Variants in MIDN observed in about 807,000 individuals in gnomAD.
MIDN encodes midnolin.
MIDN carries 26 observed loss-of-function variants against 46.1 expected under a neutral mutation model. The ratio of observed to expected loss-of-function variants is 0.56; its 90% CI spans 0.41 to 0.78. The LOEUF is 0.78. Ranked by LOEUF, MIDN falls within the 30% of genes least tolerant of loss-of-function variation. The pLI, the probability that MIDN is intolerant of heterozygous loss-of-function variation, is 0.00. For synonymous variants in MIDN, 432 were observed against 343.3 expected, an observed-to-expected ratio of 1.26 and a Z score of -2.86; for missense variants, 850 against 771.8, an observed-to-expected ratio of 1.10 and a Z score of -1.20.
chr19:1,258,527 T>G lies in MIDN; in HGVS notation c.*1255T>G, dbSNP rs976433143. ...TTTTTTCCCCACTCACTTTTTATTTTTTAATGATAATGGAGATGTCTGGAC... is the reference window on the plus strand; with the variant it reads ...TTTTTTCCCCACTCACTTTTTATTTGTTAATGATAATGGAGATGTCTGGAC... On this transcript the variant is annotated 3_prime_UTR_variant, in exon 9 of 9. Transcript: ENST00000682408. 6.6e-6 allele frequency: 1 copy of G among 152,464 alleles called. No individual in the cohort carries two copies. Among genetic ancestry groups the G allele is most frequent in the African/African-American group, 2.4e-5 (1 of 41,438 alleles). The allele number at this position is 152,464 out of a possible 1,614,324, so 9.4% of individuals were successfully genotyped here.
In MIDN at chr19:1,248,648, C is replaced by G. The variant is rs992864527; in HGVS notation, c.-420C>G. 6.6e-6 allele frequency: 1 copy of G among 152,490 alleles called. No individual in the cohort carries two copies. The highest frequency in any genetic ancestry group is 2.4e-5 in the African/African-American group (1 of 41,470). 9.4% of individuals were successfully genotyped at this position (152,490 alleles called of 1,614,324 possible). A position where few individuals can be genotyped will look rare whatever the true frequency, so the allele number is the denominator to read the frequency against. Reference sequence around the variant, plus strand: ...TACTCGCAGCACTTGGAGCGCAGAACCGGCCGCGCCCGGTGAGTGTGGAGG... The same window carrying G: ...TACTCGCAGCACTTGGAGCGCAGAAGCGGCCGCGCCCGGTGAGTGTGGAGG... On this transcript the variant is annotated 5_prime_UTR_variant, in exon 1 of 9. Transcript: ENST00000682408.
At chr19:1,250,917 C>A (rs572781992) in intron 2 of MIDN, among the ~76,000 whole-genome samples, 1 of 151,730 alleles carries the variant, frequency 6.6e-6, no homozygotes. Flanking sequence ...GCGTCTCTCT[C>A]CCCCCCTTTG....
chr19:1,250,617 G>A, intron 2 of MIDN, 88 bp downstream of exon 2: 2 of 711,822 alleles, frequency 2.8e-6, no homozygotes, highest in Non-Finnish European at 1.8e-6. Context: ...GGAAGGCAGG[G>A]GGCGGCCAGA....
At chr19:1,250,916 TC>T (rs1019039898) in intron 2 of MIDN, among the ~76,000 whole-genome samples, 2 of 149,022 alleles carry the variant, frequency 1.3e-5, no homozygotes, top group Non-Finnish European at 3.0e-5. Context: ...TGCGTCTCTC[TC>T]CCCCCCTTTG....
chr19:1,254,050 C>G lies in MIDN; in HGVS notation c.481C>G (p.Gln161Glu), dbSNP rs1364775330. Residue 161 changes from glutamine to glutamate, a missense_variant, in exon 5 of 9, where the codon CAG becomes GAG. Transcript: ENST00000682408. ...FKRPWHRQGP[Q>E]SPERGGERPQ... ...GCGTCCGTGGCACCGACAGGGACCC[C>G]AGAGCCCAGAGAGGGGCGGCGAGAG... 6.9e-7 allele frequency: 1 copy of G among 1,450,266 alleles called. No homozygotes were observed. Among genetic ancestry groups the G allele is most frequent in the Admixed American group, 2.9e-5 (1 of 34,264 alleles). 89.8% of individuals were successfully genotyped at this position (1,450,266 alleles called of 1,614,324 possible). A position where few individuals can be genotyped will look rare whatever the true frequency, so the allele number is the denominator to read the frequency against.
At chr19:1,250,944 C>T (rs927723577) in intron 2 of MIDN, among the ~76,000 whole-genome samples, 2 of 152,006 alleles carry the variant, frequency 1.3e-5, no homozygotes, top group African/African-American at 2.4e-5. Flanking sequence ...CCTCCGAGCG[C>T]TCCCCGCAGC....
chr19:1,253,542 G>T, intron 4 of MIDN: 1 of 154,680 alleles, frequency 6.5e-6, no homozygotes, highest in Non-Finnish European at 1.4e-5. Context: ...GCAGATTGAG[G>T]GTTTCTGTGC....
rs557498589 is a variant in MIDN, at chr19:1,252,044, G to C, written c.384+143G>C. 76 of 683,214 alleles carry C rather than the reference G, an allele frequency of 1.1e-4. No individual in the cohort carries two copies. The African/African-American group carries it at 1.3e-3, about 12-fold the overall frequency. 42.3% of individuals were successfully genotyped at this position (683,214 alleles called of 1,614,324 possible). A position where few individuals can be genotyped will look rare whatever the true frequency, so the allele number is the denominator to read the frequency against. ...GCCACCCCGCCTGGGTGCCAGCCTG[G>C]CCTGGCCTCCCCACCTCCTCTCCCC... On this transcript the variant is annotated intron_variant, in intron 4 of 8. Transcript: ENST00000682408.
intron 4 of MIDN, among the ~76,000 whole-genome samples, chr19:1,253,359 G>A (rs1380219619): frequency 3.3e-5 from 5 of 152,104 alleles, no homozygotes; most frequent in Non-Finnish European, 7.4e-5. Flanking sequence ...CCGGGAGGGA[G>A]AGCTGGGAGG....
At chr19:1,256,844 G>C (rs954492587) in intron 8 of MIDN, 151 bp from the exon 9 acceptor site, 18 of 1,162,642 alleles carry the variant, frequency 1.5e-5, no homozygotes, top group Non-Finnish European at 2.2e-5. Flanking sequence ...GCCCGGCATG[G>C]TGGATGTCCT....
At chr19:1,251,050 C>T (rs918978125) in intron 2 of MIDN, among the ~76,000 whole-genome samples, 2 of 151,972 alleles carry the variant, frequency 1.3e-5, no homozygotes, top group African/African-American at 4.8e-5. Context: ...GTGGAGGGGC[C>T]CATCGGGGGA....
At chr19:1,256,666 A>G (rs1275469409) in intron 8 of MIDN, among the ~76,000 whole-genome samples, 1 of 151,844 alleles carries the variant, frequency 6.6e-6, no homozygotes, top group African/African-American at 2.4e-5. Flanking sequence ...GGCAAACACC[A>G]CCATGCCCAG....
chr19:1,256,163 G>A (rs764226629), intron 8 of MIDN, among the ~76,000 whole-genome samples: 6 of 152,366 alleles, frequency 3.9e-5, no homozygotes, highest in South Asian at 4.1e-4. Context: ...TGCACCCGTC[G>A]CGGGGGCTCC....
At position 1,251,562 on chromosome 19, in the gene MIDN, C is replaced by G; in HGVS notation, c.234C>G (p.Thr78=). The G allele has an allele frequency of 6.2e-7, 1 of 1,607,366 alleles. No homozygotes were observed. The highest frequency in any genetic ancestry group is 8.5e-7 in the Non-Finnish European group (1 of 1,177,834). Residue 78 remains threonine, a splice_region_variant and synonymous_variant, in exon 3 of 9, where the codon ACC becomes ACG. Transcript: ENST00000682408. The part of the protein sequence containing the change: ...KERLALLHKD[T]RLSSGKLQEF... ...TCATGCTCTTCCTTCCTCCCCCCAG[C>G]CGGCTCAGTTCGGGGAAGCTGCAGG...
At chr19:1,249,394 CT>C (rs925884417) in intron 1 of MIDN, among the ~76,000 whole-genome samples, 2 of 150,422 alleles carry the variant, frequency 1.3e-5, no homozygotes, top group Admixed American at 1.3e-4. Context: ...CCGCTCGCGG[CT>C]TTTCCCGGAC....
chr19:1,249,597 G>C (rs2081096961), intron 1 of MIDN, among the ~76,000 whole-genome samples: 1 of 149,506 alleles, frequency 6.7e-6, no homozygotes, highest in Admixed American at 6.6e-5. Context: ...GAATGGCTGC[G>C]GGCGCGGGCG....
Position 1,250,350 on chromosome 19 carries a change from CGCCTGCGAGCTGGGCCCGGCGGCCGAG to C in MIDN, c.57_83del (p.Cys20_Ala28del), listed in dbSNP as rs771647815. ...GCTGCCGGCGCGGGGCCCCCGGCGG[CGCCTGCGAGCTGGGCCCGGCGGCCGAG>C]GCGGCGCCCATGAGCCTCGCCATCC... On this transcript the variant is annotated inframe_deletion, in exon 2 of 9. Coordinates refer to ENST00000682408, the MANE Select transcript of MIDN (RefSeq NM_001388306.1). 3.7e-5 allele frequency: 40 copies of C among 1,066,808 alleles called. No individual in the cohort carries two copies. Among genetic ancestry groups the C allele is most frequent in the Non-Finnish European group, 3.7e-5 (33 of 881,780 alleles). 66.1% of individuals were successfully genotyped at this position (1,066,808 alleles called of 1,614,324 possible).
chr19:1,254,046 A>G lies in MIDN; in HGVS notation c.477A>G (p.Gly159=). 1 of 1,441,108 alleles carries G rather than the reference A, an allele frequency of 6.9e-7. No individual in the cohort carries two copies. The highest frequency in any genetic ancestry group is 9.0e-7 in the Non-Finnish European group (1 of 1,104,992). The allele number at this position is 1,441,108 out of a possible 1,614,324, so 89.3% of individuals were successfully genotyped here. A position where few individuals can be genotyped will look rare whatever the true frequency, so the allele number is the denominator to read the frequency against. Residue 159 remains glycine, a synonymous_variant, in exon 5 of 9, where the codon GGA becomes GGG. Transcript: ENST00000682408. The part of the protein sequence containing the change: ...ILFKRPWHRQ[G]PQSPERGGER... ...TTAAGCGTCCGTGGCACCGACAGGG[A>G]CCCCAGAGCCCAGAGAGGGGCGGCG...
chr19:1,252,400 T>A (rs1268007354), intron 4 of MIDN, among the ~76,000 whole-genome samples: 2 of 148,130 alleles, frequency 1.4e-5, no homozygotes, highest in East Asian at 4.1e-4. Flanking sequence ...CTCTGGCCTT[T>A]GTTCTCTACC....
Sources: gnomAD v4.1 joint callset for allele counts (sites outside exome capture counted in the v4.1 genomes callset) on GRCh38, gnomAD v4.1.1 for gene constraint, MANE v1.5 for transcripts, NCBI Gene and HGNC (gene_info 2026-07-23, HGNC 2026-07-21) for gene names.